The following PHKB variants were observed in gnomAD, a reference collection of about 807,000 sequenced individuals.
The protein encoded by PHKB is phosphorylase kinase regulatory subunit beta.
A neutral mutation model predicts 152.1 loss-of-function variants in PHKB; 122 were observed. The ratio of observed to expected loss-of-function variants is 0.80; its 90% CI spans 0.69 to 0.93. PHKB has a LOEUF of 0.93. Among genes scored for constraint, PHKB ranks in the 40% least tolerant of loss-of-function variants. PHKB has a pLI of 0.00. For synonymous variants in PHKB, 436 were observed against 464.9 expected (o/e 0.94, Z 0.80); for missense variants, 1,304 against 1,328.4 (o/e 0.98, Z 0.29).
At chr16:47,618,766 A>G (rs753640166) in intron 14 of PHKB, among the ~76,000 whole-genome samples, 5 of 152,326 alleles carry the variant, frequency 3.3e-5, no homozygotes, top group Admixed American at 6.5e-5. Context: ...AAATTATACA[A>G]AATACCATAT....
At position 47,699,213 on chromosome 16, in the gene PHKB, C is replaced by A; in HGVS notation, c.3145-16C>A. The A allele has an allele frequency of 6.2e-7, 1 of 1,613,682 alleles. No individual in the cohort carries two copies. Among genetic ancestry groups the A allele is most frequent in the Non-Finnish European group, 8.5e-7 (1 of 1,179,582 alleles). On this transcript the variant is annotated splice_polypyrimidine_tract_variant and intron_variant, in intron 30 of 30. Coordinates refer to ENST00000323584, the MANE Select transcript of PHKB (RefSeq NM_000293.3). ...AACAGAAGATCGAATGCCTTGCCTA[C>A]TGTTTTCCTTTGTAGGATGACATGA...
At chr16:47,693,851 A>G (rs1467269842) in intron 28 of PHKB, among the ~76,000 whole-genome samples, 13 of 152,214 alleles carry the variant, frequency 8.5e-5, no homozygotes, top group Non-Finnish European at 4.4e-5. Flanking sequence ...CACATAGCCA[A>G]ACCTCTTGTT....
chr16:47,672,740 T>C (rs1597167756), intron 26 of PHKB, among the ~76,000 whole-genome samples: 1 of 152,178 alleles, frequency 6.6e-6, no homozygotes, highest in Non-Finnish European at 1.5e-5. Flanking sequence ...TGAATTCAAC[T>C]CTAACCTGAT....
chr16:47,609,446 G>T (rs1431043855), intron 13 of PHKB, among the ~76,000 whole-genome samples: 4 of 126,436 alleles, frequency 3.2e-5, no homozygotes, highest in Admixed American at 8.7e-5. Context: ...TGGGTGGGGG[G>T]GGGGCACAGT....
intron 1 of PHKB, among the ~76,000 whole-genome samples, chr16:47,491,923 A>G (rs952619433): frequency 6.6e-6 from 1 of 152,210 alleles, no homozygotes; most frequent in Non-Finnish European, 1.5e-5. Context: ...ACTTTTAGCC[A>G]TAGCACTCTT....
intron 1 of PHKB, among the ~76,000 whole-genome samples, chr16:47,496,508 T>C (rs1335977381): frequency 6.6e-6 from 1 of 152,140 alleles, no homozygotes; most frequent in Admixed American, 6.5e-5. Context: ...AGGTAAATTA[T>C]AGGTTCATTT....
intron 13 of PHKB, among the ~76,000 whole-genome samples, chr16:47,600,961 G>C (rs1343704942): frequency 6.6e-6 from 1 of 152,196 alleles, no homozygotes; most frequent in African/African-American, 2.4e-5. Flanking sequence ...CTCGCTAGTA[G>C]ATGGGACTAC....
At chr16:47,534,330 G>A (rs990587777) in intron 6 of PHKB, among the ~76,000 whole-genome samples, 10 of 152,192 alleles carry the variant, frequency 6.6e-5, no homozygotes, top group African/African-American at 1.9e-4. Context: ...CTCACTGGCC[G>A]ATAACCTCTG....
intron 26 of PHKB, among the ~76,000 whole-genome samples, chr16:47,670,833 T>C (rs1973625493): frequency 6.6e-6 from 1 of 152,198 alleles, no homozygotes; most frequent in South Asian, 2.1e-4. Flanking sequence ...TGTCTCTTCA[T>C]AACTTTTACC....
chr16:47,522,883 G>A (rs1462409310), intron 6 of PHKB, among the ~76,000 whole-genome samples: 1 of 150,320 alleles, frequency 6.7e-6, no homozygotes, highest in Non-Finnish European at 1.5e-5. Context: ...TTCATTCCAT[G>A]ATGGTGGGAA....
intron 1 of PHKB, among the ~76,000 whole-genome samples, chr16:47,473,062 G>GTTTT (rs1368556551): frequency 1.3e-5 from 2 of 149,592 alleles, no homozygotes; most frequent in Non-Finnish European, 3.0e-5. Flanking sequence ...TTGTTTGTTT[G>GTTTT]TTTGTTTGTT....
intron 6 of PHKB, among the ~76,000 whole-genome samples, chr16:47,543,120 T>C (rs562055089): frequency 6.6e-6 from 1 of 152,346 alleles, no homozygotes; most frequent in Non-Finnish European, 1.5e-5. Context: ...CCATTCAGTG[T>C]GATATTGGCT....
chr16:47,511,305 T>C (rs1204439827), intron 4 of PHKB, among the ~76,000 whole-genome samples: 2 of 152,182 alleles, frequency 1.3e-5, no homozygotes, highest in East Asian at 1.9e-4. Flanking sequence ...CATTTCCAAA[T>C]AACAGCTCAG....
chr16:47,499,938 T>A (rs747095442), intron 3 of PHKB, 44 bp downstream of exon 3: 1 of 1,609,250 alleles, frequency 6.2e-7, no homozygotes, highest in African/African-American at 1.3e-5. Context: ...GAGTGGATAA[T>A]AGGGTTTTGT....
intron 16 of PHKB, among the ~76,000 whole-genome samples, chr16:47,646,460 G>A (rs1205072212): frequency 2.4e-5 from 3 of 126,410 alleles, no homozygotes; most frequent in Non-Finnish European, 4.9e-5. Flanking sequence ...CAGCGCACCA[G>A]CATGGCACAT....
At chr16:47,676,635 C>T (rs1351691822) in intron 26 of PHKB, among the ~76,000 whole-genome samples, 2 of 152,094 alleles carry the variant, frequency 1.3e-5, no homozygotes, top group Non-Finnish European at 2.9e-5. Flanking sequence ...CACCATGTTT[C>T]TTTTCTCTTT....
At chr16:47,626,951 C>A (rs1200230933) in intron 14 of PHKB, among the ~76,000 whole-genome samples, 3 of 152,162 alleles carry the variant, frequency 2.0e-5, no homozygotes, top group Admixed American at 1.3e-4. Flanking sequence ...GTACAAGCAT[C>A]CGAAGGAGAA....
intron 7 of PHKB, chr16:47,566,632 G>A (rs1207447165): frequency 1.1e-5 from 13 of 1,137,214 alleles, no homozygotes; most frequent in African/African-American, 4.6e-5. Flanking sequence ...TTGGGAAGAT[G>A]GCTCCAGTCG....
chr16:47,483,237 G>A (rs1026770328), intron 1 of PHKB, among the ~76,000 whole-genome samples: 2 of 151,314 alleles, frequency 1.3e-5, no homozygotes, highest in African/African-American at 2.4e-5. Flanking sequence ...TAGTAGAGAC[G>A]CGGTTTCACT....
Sources: gnomAD v4.1 joint callset for allele counts (sites outside exome capture counted in the v4.1 genomes callset) on GRCh38, gnomAD v4.1.1 for gene constraint, MANE v1.5 for transcripts, NCBI Gene and HGNC (gene_info 2026-07-23, HGNC 2026-07-21) for gene names.